The following NPM1 variants were observed in gnomAD, a reference collection of about 807,000 sequenced individuals.
NPM1 encodes the protein nucleophosmin 1.
A neutral mutation model predicts 44.1 loss-of-function variants in NPM1; 1 was observed. The ratio of observed to expected loss-of-function variants is 0.02; its 90% CI spans 0.01 to 0.11. The LOEUF (loss-of-function observed/expected upper bound fraction) is 0.11. Ranked by LOEUF, NPM1 falls within the 10% of genes least tolerant of loss-of-function variation. The pLI is 1.00. For synonymous variants in NPM1, 126 were observed against 111.8 expected (o/e 1.13, Z -0.80); for missense variants, 197 against 347.8 (o/e 0.57, Z 3.45).
Position 171,407,489 on chromosome 5 carries a change from C to G in NPM1, c.772-211C>G, listed in dbSNP as rs1255220586. On this transcript the variant is annotated intron_variant, in intron 9 of 10. Coordinates refer to ENST00000296930, the MANE Select transcript of NPM1 (RefSeq NM_002520.7). Reference sequence around the variant, plus strand: ...AGAGGTTGTCAGGGAAGATTTGACCCTTTGGCAAATCTGTTTGAATAGAGA... The same window carrying G: ...AGAGGTTGTCAGGGAAGATTTGACCGTTTGGCAAATCTGTTTGAATAGAGA... 3 of 550,680 alleles carry G rather than the reference C, an allele frequency of 5.4e-6. No homozygotes were observed. In the South Asian group the frequency reaches 7.5e-5, roughly 14 times the overall value. 34.1% of individuals were successfully genotyped at this position (550,680 alleles called of 1,614,324 possible).
chr5:171,399,597 C>G (rs1475690200), intron 6 of NPM1, among the ~76,000 whole-genome samples: 1 of 152,004 alleles, frequency 6.6e-6, no homozygotes, highest in Non-Finnish European at 1.5e-5. Context: ...GGGGAGTCTT[C>G]TAACGATTGT....
rs560715122 is a variant in NPM1 at position 171,394,622 on chromosome 5, A to C, written c.524+1644A>C. The stretch of plus-strand genomic sequence containing the variant: ...GCTTGTTTGGTTATCACTTTTAAGA[A>C]TATTTCTCGTTAGTAAGAATTGAAA... On this transcript the variant is annotated intron_variant, in intron 6 of 10. Transcript: ENST00000296930. Among the ~76,000 whole-genome samples, 186 of 152,344 alleles carry C rather than the reference A, an allele frequency of 1.2e-3. 1 individual carries two copies. Among genetic ancestry groups the C allele is most frequent in the Middle Eastern group, 3.4e-3 (1 of 294 alleles).
At chr5:171,398,820 CCTTAACAT>C (rs1031700210) in intron 6 of NPM1, among the ~76,000 whole-genome samples, 2 of 152,144 alleles carry the variant, frequency 1.3e-5, no homozygotes, top group Non-Finnish European at 2.9e-5. Flanking sequence ...ATGTGTCTAT[CCTTAACAT>C]GTAAGAACAG....
At chr5:171,406,342 T>C in intron 9 of NPM1, 1 of 1,491,384 alleles carries the variant, frequency 6.7e-7, no homozygotes, top group Admixed American at 1.7e-5. Flanking sequence ...TGACATCTTT[T>C]AGATGCCCCT....
In NPM1 at chr5:171,397,962, T is replaced by G. The variant is rs370002425; in HGVS notation, c.525-2191T>G. Among the ~76,000 whole-genome samples, 4 of 152,108 alleles carry G rather than the reference T, an allele frequency of 2.6e-5. 1 individual carries two copies. In the South Asian group the frequency reaches 8.3e-4, roughly 32 times the overall value. ...CCCCCCCACCACGCCCGGCTAATTT[T>G]CTGTATTTTAAATAGAGACCGGGTT... On this transcript the variant is annotated intron_variant, in intron 6 of 10. Transcript: ENST00000296930.
intron 10 of NPM1, 114 bp from the exon 11 acceptor site, chr5:171,410,411 ACT>A (rs999649765): frequency 1.1e-4 from 63 of 576,938 alleles, no homozygotes; most frequent in Admixed American, 9.1e-4. Context: ...TCTAGAGTTA[ACT>A]CTCTGGTGGT....
chr5:171,391,690 A>G lies in NPM1; in HGVS notation c.259-16A>G. 1 of 1,554,218 alleles carries G rather than the reference A, an allele frequency of 6.4e-7. No homozygotes were observed. The highest frequency in any genetic ancestry group is 8.9e-7 in the Non-Finnish European group (1 of 1,128,082). On this transcript the variant is annotated splice_polypyrimidine_tract_variant and intron_variant, in intron 3 of 10. Coordinates refer to ENST00000296930, the MANE Select transcript of NPM1 (RefSeq NM_002520.7). ...TTTCTTCACATGTTTAGTGATGAAA[A>G]ATTTCTCCCTTCTAGGTTTCCCTTG...
At chr5:171,398,788 CTG>C (rs1485598596) in intron 6 of NPM1, among the ~76,000 whole-genome samples, 3 of 152,196 alleles carry the variant, frequency 2.0e-5, no homozygotes, top group African/African-American at 4.8e-5. Context: ...AAAAAAATCA[CTG>C]TTTCTGGACT....
At position 171,388,991 on chromosome 5, in the gene NPM1, C is replaced by T. The variant is rs1160781572; in HGVS notation, c.58+985C>T. Among the ~76,000 whole-genome samples the T allele has an allele frequency of 2.6e-5, 4 of 152,180 alleles. No homozygotes were observed. In the South Asian group the frequency reaches 8.3e-4, roughly 32 times the overall value. ...ACGTCCTCGCATGCCGCCATTTGTG[C>T]GGCATTGACCAAACTGCTTTTCTAA... On this transcript the variant is annotated intron_variant, in intron 1 of 10. Coordinates refer to ENST00000296930, the MANE Select transcript of NPM1 (RefSeq NM_002520.7).
rs954187506 is a variant in NPM1, at chr5:171,391,743, T to G, written c.296T>G (p.Val99Gly). The G allele has an allele frequency of 6.2e-7, 1 of 1,611,534 alleles. No homozygotes were observed. The highest frequency in any genetic ancestry group is 8.5e-7 in the Non-Finnish European group (1 of 1,179,210). ...GGCTTTGAAATAACACCACCAGTGG[T>G]CTTAAGGTTGAAGTGTGGTTCAGGG... The part of the protein sequence containing the change: ...LGGFEITPPV[V>G]LRLKCGSGPV... Residue 99 changes from valine (V) to glycine (G), a missense_variant, in exon 4 of 11, where the codon GTC (valine) becomes GGC (glycine). Coordinates refer to ENST00000296930, the MANE Select transcript of NPM1 (RefSeq NM_002520.7).
chr5:171,400,801 G>A (rs1771156979), intron 7 of NPM1, 38 bp from the exon 8 acceptor site: 1 of 1,338,262 alleles, frequency 7.5e-7, no homozygotes, highest in African/African-American at 1.4e-5. Flanking sequence ...CTGTTGTTGG[G>A]GTCAGGGACA....
intron 6 of NPM1, among the ~76,000 whole-genome samples, chr5:171,395,024 C>G (rs944354454): frequency 2.6e-5 from 4 of 151,974 alleles, no homozygotes; most frequent in Non-Finnish European, 4.4e-5. Flanking sequence ...ACTAAAAATA[C>G]AAAAATTAGC....
At chr5:171,391,684 A>G in intron 3 of NPM1, 22 bp from the exon 4 acceptor site, 1 of 1,486,590 alleles carries the variant, frequency 6.7e-7, no homozygotes, top group Non-Finnish European at 9.4e-7. Flanking sequence ...ATGTTTAGTG[A>G]TGAAAAATTT....
chr5:171,400,315 C>CATCTCATACTGAGGGAGAT (rs1771127717), intron 7 of NPM1, 105 bp downstream of exon 7: 1 of 1,398,700 alleles, frequency 7.1e-7, no homozygotes, highest in African/African-American at 1.4e-5. Flanking sequence ...TGTGGGAGAT[C>CATCTCATACTGAGGGAGAT]ATCTCATACT....
At position 171,392,894 on chromosome 5, in the gene NPM1, C is replaced by A. The variant is rs755854685; in HGVS notation, c.460-20C>A. On this transcript the variant is annotated intron_variant, in intron 5 of 10. Coordinates refer to ENST00000296930, the MANE Select transcript of NPM1 (RefSeq NM_002520.7). ...ATAGAACAGCTCTTGTTCATGAGTA[C>A]GTATCTTTTCTTTTAAAAGAAAAAA... 1.2e-6 allele frequency: 2 copies of A among 1,611,638 alleles called. No individual in the cohort carries two copies. Among genetic ancestry groups the A allele is most frequent in the Non-Finnish European group, 8.5e-7 (1 of 1,178,064 alleles).
Position 171,398,771 on chromosome 5 carries a change from A to C in NPM1, c.525-1382A>C, listed in dbSNP as rs575387506. ...TGGCGACAGAGCGAGACTCCGCCTC[A>C]AAAAACAAAAAAATCACTGTTTCTG... On this transcript the variant is annotated intron_variant, in intron 6 of 10. Coordinates refer to ENST00000296930, the MANE Select transcript of NPM1 (RefSeq NM_002520.7). 2.0e-5 allele frequency among the ~76,000 whole-genome samples: 3 copies of C among 152,312 alleles called. No individual in the cohort carries two copies. In the East Asian group the frequency reaches 5.8e-4, roughly 29 times the overall value.
At position 171,403,091 on chromosome 5, in the gene NPM1, G is replaced by A. The variant is rs1449480301; in HGVS notation, c.669+2166G>A. On this transcript the variant is annotated intron_variant, in intron 8 of 10. Transcript: ENST00000296930. ...CAGGGTCATGGGACAATAGTGGAGG[G>A]AAGGTCAGCAGATAAACAAGTGAAC... is the stretch of plus-strand genomic sequence containing the variant. Among the ~76,000 whole-genome samples, 566 of 115,576 alleles carry A rather than the reference G, an allele frequency of 4.9e-3. 1 individual carries two copies. The highest frequency in any genetic ancestry group is 7.5e-3 in the Non-Finnish European group (418 of 56,076). 75.8% of individuals were successfully genotyped at this position (115,576 alleles called of 152,430 possible). A position where few individuals can be genotyped will look rare whatever the true frequency, so the allele number is the denominator to read the frequency against.
intron 6 of NPM1, among the ~76,000 whole-genome samples, chr5:171,394,012 T>C (rs368261762): frequency 2.0e-5 from 3 of 151,374 alleles, no homozygotes; most frequent in African/African-American, 7.3e-5. Flanking sequence ...AACTTAAAGG[T>C]AGTATTTGAC....
chr5:171,406,594 ACTTT>A (rs1255122993), intron 9 of NPM1: 13 of 1,402,748 alleles, frequency 9.3e-6, no homozygotes, highest in South Asian at 1.8e-5. Context: ...TCCCTAAAGC[ACTTT>A]CTTCTGACTG....
Sources: allele counts gnomAD v4.1 joint callset (sites outside exome capture counted in the v4.1 genomes callset), GRCh38; gene constraint gnomAD v4.1.1; transcripts MANE v1.5; gene names NCBI Gene and HGNC (gene_info 2026-07-23, HGNC 2026-07-21).